FAM149A: variants seen among roughly 807,000 people sequenced by gnomAD.
The protein encoded by FAM149A is family with sequence similarity 149 member A.
Under a neutral mutation model 78.2 loss-of-function variants are expected in FAM149A, and 71 were observed. That is an observed-to-expected ratio of 0.91 (90% confidence interval 0.75 to 1.11). The LOEUF is 1.11. Ranked by LOEUF, FAM149A falls within the 50% of genes least tolerant of loss-of-function variation. The pLI is 0.00. For synonymous variants in FAM149A, 446 were observed against 410.5 expected (o/e 1.09, Z -1.04); for missense variants, 1,036 against 971.0 (o/e 1.07, Z -0.89).
At chr4:186,117,942 G>T in intron 1 of FAM149A, 1 of 985,328 alleles carries the variant, frequency 1.0e-6, no homozygotes, top group Non-Finnish European at 1.2e-6. Flanking sequence ...TCAGGTGGCT[G>T]GGAGGAGAGT....
At chr4:186,136,964 T>TCTCTTTCTCTCTCTCTCTCTC (rs2099323207) in intron 1 of FAM149A, among the ~76,000 whole-genome samples, 11 of 97,108 alleles carry the variant, frequency 1.1e-4, no homozygotes, top group South Asian at 3.7e-4. Flanking sequence ...CTCTCTCTCT[T>TCTCTTTCTCTCTCTCTCTCTC]TCTCTCTCTC....
At position 186,158,372 on chromosome 4, in the gene FAM149A, A is replaced by G. The variant is rs559018554; in HGVS notation, c.1575+653A>G. 2.1e-5 allele frequency: 25 copies of G among 1,204,630 alleles called. No homozygotes were observed. In the East Asian group the frequency reaches 8.9e-4, roughly 43 times the overall value. The allele number at this position is 1,204,630 out of a possible 1,614,324, so 74.6% of individuals were successfully genotyped here. Reference sequence around the variant, plus strand: ...TGTGTGGAAGTCGCCATCCCGTGCAACAAGGGAGCTCACTCAGTGGGCCTG... The same window carrying G: ...TGTGTGGAAGTCGCCATCCCGTGCAGCAAGGGAGCTCACTCAGTGGGCCTG... On this transcript the variant is annotated intron_variant, in intron 8 of 13. Transcript: ENST00000389354.
In FAM149A at chr4:186,162,951, A is replaced by G. The variant is rs1283581174; in HGVS notation, c.1679+3A>G. The G allele has an allele frequency of 1.3e-6, 2 of 1,574,058 alleles. No homozygotes were observed. Among genetic ancestry groups the G allele is most frequent in the African/African-American group, 2.7e-5 (2 of 73,668 alleles). ...GCCTATTTTGCTGACAGAACGCAGT[A>G]CGTATCAGAATCAGTAGTAGTTACC... On this transcript the variant is annotated splice_donor_region_variant and intron_variant, in intron 9 of 13. Transcript: ENST00000389354.
intron 1 of FAM149A, chr4:186,127,357 A>C: frequency 1.0e-6 from 1 of 985,418 alleles, no homozygotes; most frequent in Non-Finnish European, 1.2e-6. Context: ...CTTCCAGTCT[A>C]CCTGGATTCC....
At chr4:186,156,405 G>A (rs1216514950) in intron 7 of FAM149A, among the ~76,000 whole-genome samples, 1 of 152,008 alleles carries the variant, frequency 6.6e-6, no homozygotes, top group Non-Finnish European at 1.5e-5. Context: ...TGGGTGCGGT[G>A]GCTCACGCCT....
Position 186,165,207 on chromosome 4 carries a change from C to T in FAM149A, c.1890-137C>T, listed in dbSNP as rs144925777. 210 of 876,276 alleles carry T rather than the reference C, an allele frequency of 2.4e-4. 1 individual carries two copies. The African/African-American group carries it at 3.0e-3, about 12-fold the overall frequency. The allele number at this position is 876,276 out of a possible 1,614,324, so 54.3% of individuals were successfully genotyped here. ...TTCCCTGGGGAGCATCCGGATAATA[C>T]CACACATAGCAGAAATCAAAGACCT... On this transcript the variant is annotated intron_variant, in intron 10 of 13. Coordinates refer to ENST00000389354, the MANE Select transcript of FAM149A (RefSeq NM_001367768.3).
At chr4:186,121,926 A>G (rs994965296) in intron 1 of FAM149A, among the ~76,000 whole-genome samples, 6 of 152,132 alleles carry the variant, frequency 3.9e-5, no homozygotes, top group African/African-American at 1.4e-4. Context: ...TATCTGCCTG[A>G]ATTCTCTGTT....
chr4:186,123,745 TA>T, intron 1 of FAM149A: 1 of 718,404 alleles, frequency 1.4e-6, no homozygotes, highest in South Asian at 6.2e-5. Flanking sequence ...ATGTTTCCTC[TA>T]AGCATCCACA....
Position 186,165,341 on chromosome 4 carries a change from C to T in FAM149A, c.1890-3C>T, listed in dbSNP as rs1438122420. On this transcript the variant is annotated splice_region_variant and splice_polypyrimidine_tract_variant and intron_variant, in intron 10 of 13. Coordinates refer to ENST00000389354, the MANE Select transcript of FAM149A (RefSeq NM_001367768.3). ...TGCTCAGTGACATGATGATGTGTTG[C>T]AGGCCGACTGGCGTGGACCACATGG... 7.4e-6 allele frequency: 12 copies of T among 1,614,062 alleles called. No individual in the cohort carries two copies. The highest frequency in any genetic ancestry group is 1.6e-4 in the Middle Eastern group (1 of 6,084).
Position 186,104,741 on chromosome 4 carries a change from CGCGGGCGGCGGGCG to C in FAM149A, c.-321_-308del, listed in dbSNP as rs10536167. ...GGCCGGGTGTGTTGAACGTAGCAAC[CGCGGGCGGCGGGCG>C]GCGGGCGGCGGGCGTCTGGGGCGGG... On this transcript the variant is annotated 5_prime_UTR_variant, in exon 1 of 14. Coordinates refer to ENST00000389354, the MANE Select transcript of FAM149A (RefSeq NM_001367768.3). Among the ~76,000 whole-genome samples the C allele has an allele frequency of 0.17, 25,722 of 149,476 alleles. 2,513 individuals are homozygous for C. Among genetic ancestry groups the C allele is most frequent in the Admixed American group, 0.21 (3,182 of 15,154 alleles).
At chr4:186,161,220 T>C (rs375379114) in intron 8 of FAM149A, among the ~76,000 whole-genome samples, 1 of 152,196 alleles carries the variant, frequency 6.6e-6, no homozygotes, top group East Asian at 1.9e-4. Context: ...GGGTAAGATA[T>C]GAACCAAGCC....
intron 1 of FAM149A, chr4:186,132,019 T>C: frequency 1.0e-6 from 1 of 985,460 alleles, no homozygotes; most frequent in South Asian, 4.7e-5. Context: ...AGCTTTCTTA[T>C]TATCTCCATA....
At chr4:186,130,202 C>G (rs1418006936) in intron 1 of FAM149A, 1 of 149,902 alleles carries the variant, frequency 6.7e-6, no homozygotes, top group African/African-American at 2.5e-5. Flanking sequence ...CAGACATAAA[C>G]TTGTAAACGG....
At chr4:186,142,250 G>A (rs1453399493) in intron 1 of FAM149A, among the ~76,000 whole-genome samples, 1 of 152,146 alleles carries the variant, frequency 6.6e-6, no homozygotes, top group East Asian at 1.9e-4. Flanking sequence ...GGGATGTCCT[G>A]GCTCTGTCTC....
At chr4:186,132,331 G>A in intron 1 of FAM149A, 1 of 633,156 alleles carries the variant, frequency 1.6e-6, no homozygotes, top group Non-Finnish European at 2.0e-6. Context: ...TGTTATTGAT[G>A]CAGAGATAAA....
intron 1 of FAM149A, chr4:186,107,405 G>T (rs542941089): frequency 9.3e-4 from 141 of 152,318 alleles, no homozygotes; most frequent in African/African-American, 3.2e-3. Context: ...GGACAGTGAA[G>T]AAATTGAATT....
chr4:186,136,966 C>CTCTCTCTCTCTCTCTCTCTCTCTCTCTT (rs2099323249), intron 1 of FAM149A, among the ~76,000 whole-genome samples: 1 of 78,670 alleles, frequency 1.3e-5, no homozygotes, highest in African/African-American at 5.0e-5. Context: ...CTCTCTCTTT[C>CTCTCTCTCTCTCTCTCTCTCTCTCTCTT]TCTCTCTCTT....
intron 13 of FAM149A, among the ~76,000 whole-genome samples, chr4:186,170,141 G>T (rs942841250): frequency 6.6e-6 from 1 of 152,330 alleles, no homozygotes; most frequent in Non-Finnish European, 1.5e-5. Context: ...GCTCGGCAGG[G>T]CCTGTGCAGT....
intron 3 of FAM149A, among the ~76,000 whole-genome samples, chr4:186,151,300 T>G (rs1733564159): frequency 6.6e-6 from 1 of 152,308 alleles, no homozygotes; most frequent in South Asian, 2.1e-4. Flanking sequence ...CTAGGATTCT[T>G]TTAGTACAAC....
Sources: gnomAD v4.1 joint callset for allele counts (sites outside exome capture counted in the v4.1 genomes callset) on GRCh38, gnomAD v4.1.1 for gene constraint, MANE v1.5 for transcripts, NCBI Gene and HGNC (gene_info 2026-07-23, HGNC 2026-07-21) for gene names.